Variants in AATF observed in about 807,000 individuals in gnomAD.
The protein encoded by AATF is protein AATF.
AATF carries 48 observed loss-of-function variants against 63.7 expected under a neutral mutation model. That is an observed-to-expected ratio of 0.75 (90% CI 0.60 to 0.96). AATF has a LOEUF of 0.96. Among genes scored for constraint, AATF ranks in the 40% least tolerant of loss-of-function variants. The pLI is 0.00. For missense variants in AATF, 639 were observed against 685.7 expected (o/e 0.93, Z 0.76); for synonymous variants, 258 against 247.7 (o/e 1.04, Z -0.39).
At chr17:36,983,417 G>C (rs2071142601) in intron 4 of AATF, among the ~76,000 whole-genome samples, 1 of 151,774 alleles carries the variant, frequency 6.6e-6, no homozygotes. Context: ...GTGCAGTCTT[G>C]GCTCACTGCA....
chr17:37,052,568 T>C (rs890333672), intron 11 of AATF: 1 of 152,220 alleles, frequency 6.6e-6, no homozygotes, highest in African/African-American at 2.4e-5. Flanking sequence ...CACACTGGGG[T>C]ATGCAGAGAC....
At chr17:37,022,793 A>C (rs532598603) in intron 10 of AATF, among the ~76,000 whole-genome samples, 2 of 152,202 alleles carry the variant, frequency 1.3e-5, no homozygotes, top group Non-Finnish European at 2.9e-5. Context: ...CCAGGTACAT[A>C]GTTAAGCACT....
intron 11 of AATF, among the ~76,000 whole-genome samples, chr17:37,050,061 C>T (rs1173307480): frequency 6.6e-6 from 1 of 152,122 alleles, no homozygotes; most frequent in Admixed American, 6.5e-5. Flanking sequence ...CAACTGAGGC[C>T]GCTGAACCCG....
intron 8 of AATF, among the ~76,000 whole-genome samples, chr17:37,009,844 A>C (rs1166935889): frequency 1.3e-5 from 2 of 149,036 alleles, no homozygotes; most frequent in Admixed American, 6.6e-5. Flanking sequence ...AAAAAAAAAA[A>C]AAAAAACCAT....
chr17:36,957,361 CAA>C, intron 4 of AATF, among the ~76,000 whole-genome samples: 1 of 152,316 alleles, frequency 6.6e-6, no homozygotes, highest in Middle Eastern at 3.4e-3. Context: ...TTTTTCTGCT[CAA>C]AGAGGCATTT....
rs553216422 is a variant in AATF, at chr17:37,056,218, A to T, written c.1620-383A>T. ...TTTCAAGTACTGCCAAGTCCAAGAA[A>T]ATGTATGAAAACTAAATTATATCCC... On this transcript the variant is annotated intron_variant, in intron 11 of 11. Coordinates refer to ENST00000619387, the MANE Select transcript of AATF (RefSeq NM_012138.4). 11 of 172,412 alleles carry T rather than the reference A, an allele frequency of 6.4e-5. No homozygotes were observed. In the East Asian group the frequency reaches 1.6e-3, roughly 26 times the overall value. 10.7% of individuals were successfully genotyped at this position (172,412 alleles called of 1,614,324 possible).
At chr17:36,965,028 T>G (rs1484481864) in intron 4 of AATF, among the ~76,000 whole-genome samples, 1 of 152,242 alleles carries the variant, frequency 6.6e-6, no homozygotes, top group East Asian at 1.9e-4. Flanking sequence ...TTGAAAATAC[T>G]GTGCCCTCAT....
chr17:36,961,784 C>G (rs1333093081), intron 4 of AATF, among the ~76,000 whole-genome samples: 1 of 152,016 alleles, frequency 6.6e-6, no homozygotes, highest in Non-Finnish European at 1.5e-5. Context: ...AAGCAATTCT[C>G]CTGCCTCAGC....
rs111471398 is a variant in AATF at position 37,050,253 on chromosome 17, G to T, written c.1620-6348G>T. Among the ~76,000 whole-genome samples the T allele has an allele frequency of 1.8e-3, 275 of 152,262 alleles. 1 individual carries two copies. The highest frequency in any genetic ancestry group is 6.2e-3 in the African/African-American group (259 of 41,540). On this transcript the variant is annotated intron_variant, in intron 11 of 11. Coordinates refer to ENST00000619387, the MANE Select transcript of AATF (RefSeq NM_012138.4). ...TTTGTGTGTCTCCCCAAATGGAGTG[G>T]TTTGTCTGAGACACACTTACTGCAT...
intron 9 of AATF, among the ~76,000 whole-genome samples, chr17:37,019,480 A>G (rs551609895): frequency 1.3e-5 from 2 of 152,280 alleles, no homozygotes; most frequent in South Asian, 4.1e-4. Flanking sequence ...AGTCTGCCCT[A>G]ATTTAGACCT....
intron 4 of AATF, among the ~76,000 whole-genome samples, chr17:36,984,622 G>A (rs2142242219): frequency 6.6e-6 from 1 of 152,244 alleles, no homozygotes; most frequent in East Asian, 1.9e-4. Flanking sequence ...TGTTGTCAGA[G>A]GACCAGTTTT....
intron 10 of AATF, among the ~76,000 whole-genome samples, chr17:37,021,355 G>T (rs554723043): frequency 6.6e-6 from 1 of 152,302 alleles, no homozygotes; most frequent in Admixed American, 6.5e-5. Context: ...ATGGCCAGGC[G>T]TGGTGGCTCA....
At chr17:36,951,817 G>A (rs1213332236) in intron 2 of AATF, among the ~76,000 whole-genome samples, 3 of 152,170 alleles carry the variant, frequency 2.0e-5, no homozygotes, top group African/African-American at 7.2e-5. Flanking sequence ...TGTGTCTTAA[G>A]TTTATATATA....
intron 8 of AATF, among the ~76,000 whole-genome samples, chr17:37,008,262 AT>A (rs2071357062): frequency 1.3e-5 from 2 of 152,160 alleles, no homozygotes; most frequent in South Asian, 4.1e-4. Context: ...TACTTTTATC[AT>A]CTTTTTAAGT....
intron 4 of AATF, 90 bp downstream of exon 4, chr17:36,953,997 T>C: frequency 7.1e-7 from 1 of 1,409,378 alleles, no homozygotes; most frequent in Non-Finnish European, 9.7e-7. Flanking sequence ...GCTTGAGCCA[T>C]GTTTATTGTG....
Position 37,019,052 on chromosome 17 carries a change from C to A in AATF, c.1446C>A (p.Asn482Lys), listed in dbSNP as rs17139107. The change falls in exon 9 of 12, where the codon AAC becomes AAA. Residue 482 changes from asparagine to lysine, a missense_variant. Physicochemically the swap from Asn to Lys is moderately conservative, Grantham distance 94 (BLOSUM62 0). Transcript: ENST00000619387. ...IERKTSSLDP[N>K]DQVAMGRQWL... ...GGAAGACCAGCTCCTTGGATCCCAA[C>A]GATCAGGTGGCCATGGGAAGGTAAT... 2 of 1,614,070 alleles carry A rather than the reference C, an allele frequency of 1.2e-6. No homozygotes were observed. The highest frequency in any genetic ancestry group is 8.5e-7 in the Non-Finnish European group (1 of 1,179,970).
At chr17:37,051,152 A>G (rs1478095390) in intron 11 of AATF, 1 of 152,196 alleles carries the variant, frequency 6.6e-6, no homozygotes, top group Non-Finnish European at 1.5e-5. Context: ...ACTTGCTCGG[A>G]GACCATGATG....
chr17:36,990,868 T>A lies in AATF; in HGVS notation c.1398+11T>A, dbSNP rs777877483. The A allele has an allele frequency of 1.9e-6, 3 of 1,545,392 alleles. No homozygotes were observed. The highest frequency in any genetic ancestry group is 2.5e-5 in the South Asian group (2 of 81,250). On this transcript the variant is annotated intron_variant, in intron 8 of 11. Coordinates refer to ENST00000619387, the MANE Select transcript of AATF (RefSeq NM_012138.4). ...GACTTTTACCACCAGGTGAGACTTTTACACTCTCTTGTTACAAATCATGTT... is the reference window on the plus strand; with the variant it reads ...GACTTTTACCACCAGGTGAGACTTTAACACTCTCTTGTTACAAATCATGTT...
In AATF at chr17:36,949,183, A is replaced by G. The variant is rs906223134; in HGVS notation, c.58A>G (p.Ser20Gly). 63 of 1,593,634 alleles carry G rather than the reference A, an allele frequency of 4.0e-5. No homozygotes were observed. The highest frequency in any genetic ancestry group is 5.3e-5 in the Non-Finnish European group (62 of 1,171,844). Residue 20 changes from serine (S) to glycine (G), a missense_variant, in exon 1 of 12, where the codon AGC (serine) becomes GGC (glycine). Ser to Gly is a moderately conservative substitution (Grantham distance 56, BLOSUM62 0). Transcript: ENST00000619387. Reference sequence around the variant, plus strand: ...GGAACAGTTGTTGAACCCGCGACCAAGCGAGGCGGACCCTGAAGCGGACCC... The same window carrying G: ...GGAACAGTTGTTGAACCCGCGACCAGGCGAGGCGGACCCTGAAGCGGACCC... ...QLEQLLNPRP[S>G]EADPEADPEE...
Sources: allele counts gnomAD v4.1 joint callset (sites outside exome capture counted in the v4.1 genomes callset), GRCh38; gene constraint gnomAD v4.1.1; transcripts MANE v1.5; gene names NCBI Gene and HGNC (gene_info 2026-07-23, HGNC 2026-07-21).